The following EYS variants were observed in gnomAD, a reference collection of about 807,000 sequenced individuals.
The protein encoded by EYS is EGF-like photoreceptor maintenance factor.
A neutral mutation model predicts 282.1 loss-of-function variants in EYS; 250 were observed. The ratio of observed to expected loss-of-function variants is 0.89; its 90% CI spans 0.80 to 0.98. The LOEUF (loss-of-function observed/expected upper bound fraction) is 0.98, where lower values mean the gene tolerates loss of function less well. Ranked by LOEUF, EYS falls within the 50% of genes least tolerant of loss-of-function variation. The probability of loss-of-function intolerance (pLI) is 0.00; values close to 1 mark genes in which losing one functional copy is unlikely to be tolerated. For missense variants in EYS, 4,016 were observed against 3,709.0 expected, an observed-to-expected ratio of 1.08 and a Z score of -2.15; for synonymous variants, 1,355 against 1,282.9, an observed-to-expected ratio of 1.06 and a Z score of -1.20.
At chr6:63,738,188 A>G (rs1294491051) in intron 41 of EYS, among the ~76,000 whole-genome samples, 7 of 152,202 alleles carry the variant, frequency 4.6e-5, no homozygotes, top group Non-Finnish European at 7.3e-5. Context: ...GAGATTCCTT[A>G]GGGAACTAGA....
At position 65,006,482 on chromosome 6, in the gene EYS, C is replaced by T. The variant is rs1178733128; in HGVS notation, c.2138-8779G>A. The stretch of plus-strand genomic sequence containing the variant: ...AAACCTCGTTGTGAGCACACCTCAC[C>T]AGTTCAGAGTTATTCTAAGTCAAAA... On this transcript the variant is annotated intron_variant, in intron 13 of 42. Coordinates refer to ENST00000503581, the MANE Select transcript of EYS (RefSeq NM_001142800.2). Among the ~76,000 whole-genome samples the T allele has an allele frequency of 1.0e-4, 11 of 108,616 alleles. No individual in the cohort carries two copies. The East Asian group carries it at 2.1e-3, about 21-fold the overall frequency. 71.3% of individuals were successfully genotyped at this position (108,616 alleles called of 152,430 possible).
chr6:64,075,057 T>C (rs533498933), intron 32 of EYS, among the ~76,000 whole-genome samples: 1 of 152,074 alleles, frequency 6.6e-6, no homozygotes, highest in African/African-American at 2.4e-5. Flanking sequence ...TGACATATGA[T>C]AAAGACTGTT....
intron 23 of EYS, among the ~76,000 whole-genome samples, chr6:64,621,955 T>C (rs1041103039): frequency 1.3e-5 from 2 of 152,156 alleles, no homozygotes; most frequent in African/African-American, 4.8e-5. Flanking sequence ...ACACTATACA[T>C]GGTACTATTT....
At position 65,057,738 on chromosome 6, in the gene EYS, T is replaced by C. The variant is rs769319791; in HGVS notation, c.2024-11A>G. ...TTTCACATTGCGTACCTTTGGAAAA[T>C]AGGAAAAAAAAATGTTAAGTGTTAA... is the stretch of plus-strand genomic sequence containing the variant. On this transcript the variant is annotated splice_polypyrimidine_tract_variant and intron_variant, in intron 12 of 42. Coordinates refer to ENST00000503581, the MANE Select transcript of EYS (RefSeq NM_001142800.2). 7 of 1,426,646 alleles carry C rather than the reference T, an allele frequency of 4.9e-6. No homozygotes were observed. The highest frequency in any genetic ancestry group is 2.9e-5 in the African/African-American group (2 of 68,082). The allele number at this position is 1,426,646 out of a possible 1,614,324, so 88.4% of individuals were successfully genotyped here.
chr6:63,741,964 T>C, intron 41 of EYS: 1 of 702,390 alleles, frequency 1.4e-6, no homozygotes, highest in Non-Finnish European at 2.6e-6. Context: ...AAGATCACAA[T>C]GAGGATAAGT....
chr6:64,391,625 G>C lies in EYS; in HGVS notation c.5928-2785C>G, dbSNP rs1209460347. On this transcript the variant is annotated intron_variant, in intron 28 of 42. Transcript: ENST00000503581. Reference sequence around the variant, plus strand: ...TGCCCTAAAAGAGCTCCTGAAGGAAGCGCTAAACATGGAAAGGAACAACCC... The same window carrying C: ...TGCCCTAAAAGAGCTCCTGAAGGAACCGCTAAACATGGAAAGGAACAACCC... Among the ~76,000 whole-genome samples, 4 of 152,018 alleles carry C rather than the reference G, an allele frequency of 2.6e-5. No individual in the cohort carries two copies. In the East Asian group the frequency reaches 7.7e-4, roughly 29 times the overall value.
intron 11 of EYS, among the ~76,000 whole-genome samples, chr6:65,312,735 A>G (rs1328885983): frequency 6.6e-6 from 1 of 152,200 alleles, no homozygotes; most frequent in Non-Finnish European, 1.5e-5. Flanking sequence ...CTCTATGGTC[A>G]CAGTTATCAC....
intron 1 of EYS, among the ~76,000 whole-genome samples, chr6:65,696,366 T>C (rs1769457877): frequency 1.3e-5 from 2 of 152,064 alleles, no homozygotes. Flanking sequence ...TCAAATTATA[T>C]TACCTAAATA....
At chr6:64,386,603 A>T (rs2150423369) in intron 29 of EYS, among the ~76,000 whole-genome samples, 1 of 152,310 alleles carries the variant, frequency 6.6e-6, no homozygotes, top group Non-Finnish European at 1.5e-5. Context: ...CCATATCAGC[A>T]ACTCAAATGC....
In EYS at chr6:64,945,897, GCA is replaced by G. The variant is rs758506938; in HGVS notation, c.2275_2276del (p.Cys759ProfsTer3). On this transcript the variant is annotated frameshift_variant, in exon 15 of 43. Coordinates refer to ENST00000503581, the MANE Select transcript of EYS (RefSeq NM_001142800.2). LOFTEE classifies it high-confidence loss of function. ...AAAAATTTCCTTCCCAATCAGATAGGCACACACACTGGTAGCTCTAAGAGAAT... is the reference window on the plus strand; with the variant it reads ...AAAAATTTCCTTCCCAATCAGATAGGCACACACTGGTAGCTCTAAGAGAAT... ...KDLHLSYQCV[C>X]LSDWEGNFCE... The G allele has an allele frequency of 3.2e-6, 5 of 1,545,954 alleles. No individual in the cohort carries two copies. Among genetic ancestry groups the G allele is most frequent in the Non-Finnish European group, 4.4e-6 (5 of 1,142,604 alleles).
intron 31 of EYS, among the ~76,000 whole-genome samples, chr6:64,206,713 C>A (rs1765619424): frequency 6.6e-6 from 1 of 152,152 alleles, no homozygotes; most frequent in Non-Finnish European, 1.5e-5. Context: ...AACCGTCTTA[C>A]ACTATATTGA....
At chr6:63,850,418 G>T (rs1653352605) in intron 36 of EYS, among the ~76,000 whole-genome samples, 1 of 152,054 alleles carries the variant, frequency 6.6e-6, no homozygotes, top group African/African-American at 2.4e-5. Context: ...AATGTTAAGG[G>T]CAGTCAGAGA....
intron 23 of EYS, among the ~76,000 whole-genome samples, chr6:64,624,617 A>G (rs1269258433): frequency 6.6e-6 from 1 of 152,176 alleles, no homozygotes; most frequent in Non-Finnish European, 1.5e-5. Context: ...TACGTGACCA[A>G]ATAAAACCTA....
chr6:64,910,190 C>T (rs1269906222), intron 16 of EYS, among the ~76,000 whole-genome samples: 1 of 152,086 alleles, frequency 6.6e-6, no homozygotes, highest in Non-Finnish European at 1.5e-5. Flanking sequence ...CTTTGTAGTT[C>T]TAAATGTTGA....
At chr6:65,677,147 A>G (rs1768644848) in intron 1 of EYS, among the ~76,000 whole-genome samples, 1 of 150,640 alleles carries the variant, frequency 6.6e-6, no homozygotes. Flanking sequence ...CTTTTCTGGT[A>G]AGATCAGGGA....
intron 14 of EYS, among the ~76,000 whole-genome samples, chr6:64,959,875 A>ATTTTT (rs35264278): frequency 8.4e-6 from 1 of 119,256 alleles, no homozygotes; most frequent in Non-Finnish European, 1.7e-5. Context: ...ACGACTCAGG[A>ATTTTT]TTTTTTTTTT....
At chr6:64,878,512 G>C (rs1766819611) in intron 19 of EYS, among the ~76,000 whole-genome samples, 1 of 152,044 alleles carries the variant, frequency 6.6e-6, no homozygotes, top group African/African-American at 2.4e-5. Flanking sequence ...AAATTCAATT[G>C]ATTCAGAAGA....
At chr6:64,020,201 G>A (rs1222349169) in intron 33 of EYS, among the ~76,000 whole-genome samples, 6 of 152,086 alleles carry the variant, frequency 3.9e-5, no homozygotes, top group Non-Finnish European at 7.4e-5. Context: ...TTTCAAAATA[G>A]CTAGACTAGA....
At chr6:64,922,306 A>T (rs1477773524) in intron 15 of EYS, among the ~76,000 whole-genome samples, 1 of 152,250 alleles carries the variant, frequency 6.6e-6, no homozygotes, top group Non-Finnish European at 1.5e-5. Flanking sequence ...TGACTCACAC[A>T]CATTCCCACA....
Sources: allele counts gnomAD v4.1 joint callset (sites outside exome capture counted in the v4.1 genomes callset), GRCh38; gene constraint gnomAD v4.1.1; transcripts MANE v1.5; gene names NCBI Gene and HGNC (gene_info 2026-07-23, HGNC 2026-07-21).